The following HS3ST4 variants were observed in gnomAD, a reference collection of about 807,000 sequenced individuals.
HS3ST4 encodes the protein heparan sulfate-glucosamine 3-sulfotransferase 4, also known as heparan sulfate glucosamine 3-O-sulfotransferase 4.
Under a neutral mutation model 29.2 loss-of-function variants are expected in HS3ST4, and 17 were observed. The observed-to-expected ratio is 0.58, with a 90% CI of 0.40 to 0.87. The LOEUF (loss-of-function observed/expected upper bound fraction) is 0.87. Among genes scored for constraint, HS3ST4 ranks in the 40% least tolerant of loss-of-function variants. HS3ST4 has a pLI of 0.00. For synonymous variants in HS3ST4, 314 were observed against 285.7 expected (o/e 1.10, Z -1.00); for missense variants, 627 against 634.5 (o/e 0.99, Z 0.13).
At chr16:26,132,228 C>T (rs565601990) in intron 1 of HS3ST4, among the ~76,000 whole-genome samples, 5 of 152,220 alleles carry the variant, frequency 3.3e-5, no homozygotes, top group African/African-American at 1.2e-4. Flanking sequence ...ATAACTGATT[C>T]AGAATCAGTT....
At chr16:26,031,839 A>G (rs1226419722) in intron 1 of HS3ST4, among the ~76,000 whole-genome samples, 1 of 152,160 alleles carries the variant, frequency 6.6e-6, no homozygotes, top group African/African-American at 2.4e-5. Flanking sequence ...TCCCTTCTTC[A>G]ATGGACTACC....
intron 1 of HS3ST4, among the ~76,000 whole-genome samples, chr16:25,801,334 GTTGC>G (rs1966931954): frequency 6.6e-6 from 1 of 152,120 alleles, no homozygotes; most frequent in African/African-American, 2.4e-5. Flanking sequence ...AGATGTGTAA[GTTGC>G]TTGCAGTTTT....
At chr16:25,753,696 A>G (rs2141602929) in intron 1 of HS3ST4, among the ~76,000 whole-genome samples, 1 of 152,310 alleles carries the variant, frequency 6.6e-6, no homozygotes, top group Non-Finnish European at 1.5e-5. Context: ...CAATGGTAAC[A>G]TACAGTTTCC....
intron 1 of HS3ST4, among the ~76,000 whole-genome samples, chr16:26,095,491 C>T (rs1348010437): frequency 6.6e-6 from 1 of 152,322 alleles, no homozygotes; most frequent in East Asian, 1.9e-4. Context: ...TACATGGAAA[C>T]TGAACAACTT....
At chr16:25,802,676 G>A (rs1966950508) in intron 1 of HS3ST4, among the ~76,000 whole-genome samples, 1 of 151,926 alleles carries the variant, frequency 6.6e-6, no homozygotes, top group Non-Finnish European at 1.5e-5. Context: ...ACTGTTTAAG[G>A]ACTTAAAATC....
At chr16:26,095,764 A>G (rs913483748) in intron 1 of HS3ST4, among the ~76,000 whole-genome samples, 1 of 152,202 alleles carries the variant, frequency 6.6e-6, no homozygotes, top group Non-Finnish European at 1.5e-5. Flanking sequence ...AATAACTAAG[A>G]TCAGAGCAGA....
intron 1 of HS3ST4, among the ~76,000 whole-genome samples, chr16:26,055,374 G>A (rs1221655605): frequency 6.6e-6 from 1 of 152,106 alleles, no homozygotes; most frequent in Non-Finnish European, 1.5e-5. Context: ...CTCACAGCAG[G>A]AACTCAAGCA....
chr16:25,736,038 T>G (rs11641372), intron 1 of HS3ST4, among the ~76,000 whole-genome samples: 6,483 of 152,322 alleles, frequency 0.043, 186 homozygotes, highest in South Asian at 0.082. Context: ...CACCAAGTTC[T>G]ACCTAACTTT....
At chr16:25,721,254 G>A (rs1446486493) in intron 1 of HS3ST4, among the ~76,000 whole-genome samples, 1 of 152,076 alleles carries the variant, frequency 6.6e-6, no homozygotes, top group African/African-American at 2.4e-5. Flanking sequence ...ATGTGCCTGT[G>A]GTGTGTGTTA....
At chr16:25,914,397 T>G (rs912077123) in intron 1 of HS3ST4, among the ~76,000 whole-genome samples, 1 of 151,514 alleles carries the variant, frequency 6.6e-6, no homozygotes, top group Non-Finnish European at 1.5e-5. Context: ...AGGGAATATG[T>G]GTATGAGGCT....
intron 1 of HS3ST4, among the ~76,000 whole-genome samples, chr16:25,982,111 A>G (rs1969012168): frequency 6.6e-6 from 1 of 152,166 alleles, no homozygotes; most frequent in Non-Finnish European, 1.5e-5. Flanking sequence ...TTACACCAAC[A>G]GGTTCCACCT....
intron 1 of HS3ST4, among the ~76,000 whole-genome samples, chr16:25,708,781 T>G (rs1966393969): frequency 6.6e-6 from 1 of 152,206 alleles, no homozygotes; most frequent in Non-Finnish European, 1.5e-5. Flanking sequence ...AGTTCCTTCC[T>G]TCTTTTAGTT....
chr16:25,920,606 C>T (rs1028117291), intron 1 of HS3ST4, among the ~76,000 whole-genome samples: 6 of 147,566 alleles, frequency 4.1e-5, no homozygotes, highest in African/African-American at 1.5e-4. Flanking sequence ...GCCCCCACCC[C>T]TCTTTTTTTT....
chr16:26,110,330 AG>A (rs1899112358), intron 1 of HS3ST4, among the ~76,000 whole-genome samples: 1 of 152,160 alleles, frequency 6.6e-6, no homozygotes, highest in South Asian at 2.1e-4. Flanking sequence ...ATGGACACTT[AG>A]GTTGATTTCA....
chr16:25,931,569 G>A (rs1968464409), intron 1 of HS3ST4, among the ~76,000 whole-genome samples: 1 of 152,196 alleles, frequency 6.6e-6, no homozygotes, highest in Admixed American at 6.5e-5. Context: ...AGTTATGGAG[G>A]CATTACCAGG....
At chr16:26,015,743 G>A (rs1969357056) in intron 1 of HS3ST4, among the ~76,000 whole-genome samples, 1 of 152,168 alleles carries the variant, frequency 6.6e-6, no homozygotes, top group Admixed American at 6.5e-5. Context: ...GAAATTCTAA[G>A]GATCTAGGTG....
intron 1 of HS3ST4, among the ~76,000 whole-genome samples, chr16:25,994,008 G>GTGTGTGTGTGTGT (rs1969137901): frequency 7.0e-6 from 1 of 142,584 alleles, no homozygotes; most frequent in African/African-American, 2.6e-5. Context: ...GTGTGTGTGT[G>GTGTGTGTGTGTGT]GTGGAGAGAG....
At chr16:25,737,294 C>T (rs1269890523) in intron 1 of HS3ST4, among the ~76,000 whole-genome samples, 1 of 152,074 alleles carries the variant, frequency 6.6e-6, no homozygotes, top group Non-Finnish European at 1.5e-5. Flanking sequence ...AGTGGTGATA[C>T]TTGTGAGACA....
At chr16:26,110,231 T>C (rs371938362) in intron 1 of HS3ST4, among the ~76,000 whole-genome samples, 2 of 152,226 alleles carry the variant, frequency 1.3e-5, no homozygotes, top group African/African-American at 2.4e-5. Flanking sequence ...GATTTCCTTC[T>C]TTTTAAAGAA....
Sources: gnomAD v4.1 joint callset for allele counts (sites outside exome capture counted in the v4.1 genomes callset) on GRCh38, gnomAD v4.1.1 for gene constraint, MANE v1.5 for transcripts, NCBI Gene and HGNC (gene_info 2026-07-23, HGNC 2026-07-21) for gene names.